Variants in RHBDL3 observed in about 807,000 individuals in gnomAD.
The protein encoded by RHBDL3 is rhomboid like 3.
Under a neutral mutation model 48.2 loss-of-function variants are expected in RHBDL3, and 28 were observed. That is an observed-to-expected ratio of 0.58 (90% confidence interval 0.43 to 0.80). The LOEUF is 0.80. Ranked by LOEUF, RHBDL3 falls within the 30% of genes least tolerant of loss-of-function variation. The pLI is 0.00. For missense variants in RHBDL3, 464 were observed against 542.7 expected, an observed-to-expected ratio of 0.85 and a Z score of 1.44; for synonymous variants, 208 against 232.3, an observed-to-expected ratio of 0.90 and a Z score of 0.95.
intron 4 of RHBDL3, among the ~76,000 whole-genome samples, chr17:32,292,478 C>A (rs2040353105): frequency 6.6e-6 from 1 of 152,040 alleles, no homozygotes; most frequent in African/African-American, 2.4e-5. Context: ...AGAAGCAACC[C>A]AAGTGTCCAT....
At chr17:32,311,432 T>G (rs2040846719) in intron 7 of RHBDL3, among the ~76,000 whole-genome samples, 1 of 152,198 alleles carries the variant, frequency 6.6e-6, no homozygotes, top group African/African-American at 2.4e-5. Flanking sequence ...CTGGCGTTTT[T>G]TCGCTCCATT....
chr17:32,269,705 C>T (rs533887634), intron 2 of RHBDL3, among the ~76,000 whole-genome samples: 1 of 152,252 alleles, frequency 6.6e-6, no homozygotes, highest in Admixed American at 6.5e-5. Context: ...GCCCTTCACA[C>T]CTCCTGCCAG....
At chr17:32,274,539 C>T (rs1015433765) in intron 2 of RHBDL3, among the ~76,000 whole-genome samples, 1 of 152,176 alleles carries the variant, frequency 6.6e-6, no homozygotes, top group Non-Finnish European at 1.5e-5. Context: ...GATCTCTCAG[C>T]AGCCCTGTGA....
At chr17:32,279,583 A>G (rs1008519953) in intron 2 of RHBDL3, among the ~76,000 whole-genome samples, 2 of 152,184 alleles carry the variant, frequency 1.3e-5, no homozygotes, top group African/African-American at 4.8e-5. Context: ...GCCTGCTGTG[A>G]TCCCGAATGT....
intron 7 of RHBDL3, among the ~76,000 whole-genome samples, chr17:32,314,613 C>T (rs1203287559): frequency 6.6e-6 from 1 of 152,194 alleles, no homozygotes; most frequent in Non-Finnish European, 1.5e-5. Context: ...AGACAGGGAG[C>T]ACCCCATCAC....
chr17:32,298,028 TTGAATGAA>T lies in RHBDL3; in HGVS notation c.669-42_669-35del, dbSNP rs528998601. The T allele has an allele frequency of 8.6e-4, 1,042 of 1,212,672 alleles. 5 individuals carry two copies. In the African/African-American group the frequency reaches 0.011, roughly 13 times the overall value. 75.1% of individuals were successfully genotyped at this position (1,212,672 alleles called of 1,614,324 possible). A position where few individuals can be genotyped will look rare whatever the true frequency, so the allele number is the denominator to read the frequency against. On this transcript the variant is annotated intron_variant, in intron 5 of 8. Coordinates refer to ENST00000269051, the MANE Select transcript of RHBDL3 (RefSeq NM_138328.3). ...GCATCTTGGGGGATGCAGGTGTTTG[TTGAATGAA>T]TGAATGAATGAATGAATGAATAGAT...
In RHBDL3 at chr17:32,298,163, C is replaced by G; in HGVS notation, c.740C>G (p.Ala247Gly). 1 of 1,613,988 alleles carries G rather than the reference C, an allele frequency of 6.2e-7. No individual in the cohort carries two copies. Among genetic ancestry groups the G allele is most frequent in the Non-Finnish European group, 8.5e-7 (1 of 1,179,880 alleles). Residue 247 changes from alanine to glycine, a missense_variant, in exon 6 of 9, where the codon GCC becomes GGC. By Grantham distance (60) the Ala-to-Gly change is moderately conservative. Coordinates refer to ENST00000269051, the MANE Select transcript of RHBDL3 (RefSeq NM_138328.3). ...VGVPLEMVHG[A>G]TRIGLVYVAG... is the part of the protein sequence containing the mutation. Reference sequence around the variant, plus strand: ...GTGCCCCTGGAGATGGTGCATGGAGCCACCCGAATTGGGCTTGTCTACGTG... The same window carrying G: ...GTGCCCCTGGAGATGGTGCATGGAGGCACCCGAATTGGGCTTGTCTACGTG...
chr17:32,308,181 G>A (rs1422048016), intron 7 of RHBDL3, among the ~76,000 whole-genome samples: 1 of 152,172 alleles, frequency 6.6e-6, no homozygotes, highest in Non-Finnish European at 1.5e-5. Context: ...CTGTGGAGAT[G>A]AGCAGCCTCA....
In RHBDL3 at chr17:32,322,719, C is replaced by G. The variant is rs1182429141; in HGVS notation, c.*1490C>G. 3 of 152,184 alleles carry G rather than the reference C, an allele frequency of 2.0e-5. No homozygotes were observed. Among genetic ancestry groups the G allele is most frequent in the African/African-American group, 4.8e-5 (2 of 41,416 alleles). The allele number at this position is 152,184 out of a possible 1,614,324, so 9.4% of individuals were successfully genotyped here. Reference sequence around the variant, plus strand: ...ATGGTGGTTATCAAATCCACCCCACCCCATTACACAGGTGAGAAAACAAGA... The same window carrying G: ...ATGGTGGTTATCAAATCCACCCCACGCCATTACACAGGTGAGAAAACAAGA... On this transcript the variant is annotated 3_prime_UTR_variant, in exon 9 of 9. Coordinates refer to ENST00000269051, the MANE Select transcript of RHBDL3 (RefSeq NM_138328.3).
chr17:32,321,166 C>G lies in RHBDL3; in HGVS notation c.1152C>G (p.Phe384Leu). The G allele has an allele frequency of 2.5e-6, 4 of 1,614,164 alleles. No homozygotes were observed. The highest frequency in any genetic ancestry group is 3.4e-6 in the Non-Finnish European group (4 of 1,179,990). Residue 384 changes from phenylalanine to leucine, a missense_variant, in exon 9 of 9, where the codon TTC (phenylalanine) becomes TTG (leucine). Coordinates refer to ENST00000269051, the MANE Select transcript of RHBDL3 (RefSeq NM_138328.3). ...CCATGTACACCGTCTTCGTGCTGTTCGCTGTCTTCTGGAACATCTTTGCCT... is the reference window on the plus strand; with the variant it reads ...CCATGTACACCGTCTTCGTGCTGTTGGCTGTCTTCTGGAACATCTTTGCCT... ...FVAMYTVFVL[F>L]AVFWNIFAYT...
At chr17:32,271,930 G>T (rs78000351) in intron 2 of RHBDL3, among the ~76,000 whole-genome samples, 1 of 152,172 alleles carries the variant, frequency 6.6e-6, no homozygotes, top group African/African-American at 2.4e-5. Context: ...TGGATCCGCC[G>T]CTTCGGTGGG....
intron 2 of RHBDL3, chr17:32,280,823 A>G (rs997772820): frequency 2.0e-5 from 3 of 152,002 alleles, no homozygotes; most frequent in Non-Finnish European, 4.4e-5. Flanking sequence ...CTTTCTGTGC[A>G]CTCATGCTCT....
intron 3 of RHBDL3, among the ~76,000 whole-genome samples, chr17:32,286,921 A>C (rs541488437): frequency 9.8e-4 from 150 of 152,330 alleles, no homozygotes; most frequent in African/African-American, 2.9e-3. Context: ...GATTGGCACA[A>C]CAGCTCTGTA....
rs765164371 is a variant in RHBDL3, at chr17:32,267,863, C to G, written c.112-39C>G. On this transcript the variant is annotated intron_variant, in intron 1 of 8. Transcript: ENST00000269051. ...GTGATAAGTGTGTCTTTCTTTCTCT[C>G]CTCTTCTTCCTCTCCTGCATGGCCT... The G allele has an allele frequency of 1.9e-6, 3 of 1,613,696 alleles. No individual in the cohort carries two copies. In the East Asian group the frequency reaches 6.7e-5, roughly 36 times the overall value.
chr17:32,276,797 T>G (rs9747740), intron 2 of RHBDL3, among the ~76,000 whole-genome samples: 3,010 of 46,820 alleles, frequency 0.064, 76 homozygotes, highest in African/African-American at 0.07. Context: ...CCCTAGCACC[T>G]TACTCCGGCC....
At chr17:32,302,553 T>TATATA (rs1567782237) in intron 6 of RHBDL3, among the ~76,000 whole-genome samples, 3 of 60,478 alleles carry the variant, frequency 5.0e-5, no homozygotes, top group African/African-American at 1.3e-4. Flanking sequence ...ATATATATAT[T>TATATA]TTTTTTTAGT....
At chr17:32,270,248 C>T (rs754918123) in intron 2 of RHBDL3, among the ~76,000 whole-genome samples, 70 of 151,710 alleles carry the variant, frequency 4.6e-4, no homozygotes, top group Admixed American at 1.8e-3. Context: ...CTCTGGAGTT[C>T]GCCTTCCAGA....
chr17:32,315,893 T>C (rs1006900049), intron 7 of RHBDL3, among the ~76,000 whole-genome samples: 1 of 152,060 alleles, frequency 6.6e-6, no homozygotes, highest in Admixed American at 6.6e-5. Flanking sequence ...GTCTTGACTT[T>C]GCTTGGTTGG....
At position 32,283,317 on chromosome 17, in the gene RHBDL3, C is replaced by CTTTTTTTTT. The variant is rs1156849774; in HGVS notation, c.136-1328_136-1320dup. ...GGTGACTAAGATCCTGCCTTTTCTT[C>CTTTTTTTTT]TTTTTTTTTTTTTTTTTTTTTTGAG... On this transcript the variant is annotated intron_variant, in intron 2 of 8. Transcript: ENST00000269051. 1.5e-3 allele frequency among the ~76,000 whole-genome samples: 136 copies of CTTTTTTTTT among 92,890 alleles called. 1 individual carries two copies. Among genetic ancestry groups the CTTTTTTTTT allele is most frequent in the Non-Finnish European group, 1.7e-3 (82 of 46,958 alleles). 60.9% of individuals were successfully genotyped at this position (92,890 alleles called of 152,430 possible).
Sources: allele counts gnomAD v4.1 joint callset (sites outside exome capture counted in the v4.1 genomes callset), GRCh38; gene constraint gnomAD v4.1.1; transcripts MANE v1.5; gene names NCBI Gene and HGNC (gene_info 2026-07-23, HGNC 2026-07-21).